The following CNOT1 variants were observed in gnomAD, a reference collection of about 807,000 sequenced individuals.
CNOT1 encodes CCR4-NOT transcription complex subunit 1, also known as CCR4-associated factor 1.
A neutral mutation model predicts 273.8 loss-of-function variants in CNOT1; 15 were observed. The observed-to-expected ratio is 0.05, with a 90% CI of 0.04 to 0.08. CNOT1 has a LOEUF of 0.08. Ranked by LOEUF, CNOT1 falls within the 10% of genes least tolerant of loss-of-function variation. The pLI, the probability that CNOT1 is intolerant of heterozygous loss-of-function variation, is 1.00. For missense variants in CNOT1, 1,644 were observed against 2,912.2 expected (o/e 0.56, Z 10.02); for synonymous variants, 1,022 against 1,005.5 (o/e 1.02, Z -0.31).
At chr16:58,542,883 GA>G (rs1255958799) in intron 31 of CNOT1, among the ~76,000 whole-genome samples, 1 of 152,130 alleles carries the variant, frequency 6.6e-6, no homozygotes, top group East Asian at 1.9e-4. Flanking sequence ...TTGAGGCCAG[GA>G]GTTTGAGACC....
At chr16:58,557,140 AT>A in intron 18 of CNOT1, 147 bp from the exon 19 acceptor site, 1 of 1,137,118 alleles carries the variant, frequency 8.8e-7, no homozygotes, top group Non-Finnish European at 1.2e-6. Flanking sequence ...TAATTCCCTT[AT>A]TACATCTATT....
chr16:58,584,972 G>A (rs1468993087), intron 8 of CNOT1, among the ~76,000 whole-genome samples: 2 of 152,178 alleles, frequency 1.3e-5, no homozygotes, highest in Non-Finnish European at 2.9e-5. Context: ...AGAAATTAGA[G>A]GGGTGGGGGT....
In CNOT1 at chr16:58,547,760, T is replaced by C. The variant is rs752606469; in HGVS notation, c.3523-78A>G. 4.8e-5 allele frequency: 67 copies of C among 1,389,808 alleles called. No homozygotes were observed. The highest frequency in any genetic ancestry group is 6.4e-5 in the Non-Finnish European group (66 of 1,023,454). 86.1% of individuals were successfully genotyped at this position (1,389,808 alleles called of 1,614,324 possible). A position where few individuals can be genotyped will look rare whatever the true frequency, so the allele number is the denominator to read the frequency against. ...CTCAACTAAGTATTTGAGAATTCCA[T>C]TATCCTATCCTAAAGACAAGTCATC... On this transcript the variant is annotated intron_variant, in intron 25 of 48. Transcript: ENST00000317147. The surrounding 1 kb of genome is among the most constrained non-coding windows in gnomAD (Gnocchi z 4.0).
At chr16:58,553,938 A>G in intron 21 of CNOT1, 78 bp from the exon 22 acceptor site, 1 of 1,459,138 alleles carries the variant, frequency 6.9e-7, no homozygotes, top group Non-Finnish European at 9.0e-7. Flanking sequence ...TCCAAATGCT[A>G]ATCTAGGTCA....
At chr16:58,556,032 G>A in intron 19 of CNOT1, 124 bp from the exon 20 acceptor site, 2 of 1,468,474 alleles carry the variant, frequency 1.4e-6, no homozygotes, top group African/African-American at 1.4e-5. Flanking sequence ...ACTGGAAAAG[G>A]TATTAAGCGG....
intron 1 of CNOT1, among the ~76,000 whole-genome samples, chr16:58,618,842 C>A (rs2043193713): frequency 6.6e-6 from 1 of 152,134 alleles, no homozygotes; most frequent in Admixed American, 6.5e-5. Context: ...ACAGTGCCTT[C>A]AATAACTTGT....
intron 10 of CNOT1, 61 bp from the exon 11 acceptor site, chr16:58,581,576 CA>C: frequency 6.8e-7 from 1 of 1,460,580 alleles, no homozygotes. Context: ...ATACATTATC[CA>C]AAAGGCCAAA....
intron 1 of CNOT1, among the ~76,000 whole-genome samples, chr16:58,608,102 G>C (rs971589597): frequency 3.3e-5 from 5 of 152,010 alleles, no homozygotes; most frequent in African/African-American, 1.2e-4. Context: ...CTTGAACTCA[G>C]GCCGTGGAGG....
At chr16:58,581,662 T>TTA (rs2041660740) in intron 10 of CNOT1, 147 bp from the exon 11 acceptor site, 1 of 1,318,164 alleles carries the variant, frequency 7.6e-7, no homozygotes, top group African/African-American at 1.5e-5. Context: ...CATTCTTTTT[T>TTA]TTTCTTTTTT....
At position 58,545,346 on chromosome 16, in the gene CNOT1, G is replaced by A. The variant is rs931163845; in HGVS notation, c.4137+15C>T. ...ACAAACTAGAAGCTGGGAGAATGGA[G>A]CAGTGTTTACTTACTGTTGGATTCA... is the stretch of plus-strand genomic sequence containing the variant. On this transcript the variant is annotated intron_variant, in intron 30 of 48. Coordinates refer to ENST00000317147, the MANE Select transcript of CNOT1 (RefSeq NM_016284.5). 8.7e-6 allele frequency: 14 copies of A among 1,610,590 alleles called. No homozygotes were observed. Among genetic ancestry groups the A allele is most frequent in the Middle Eastern group, 1.7e-4 (1 of 6,042 alleles).
intron 16 of CNOT1, among the ~76,000 whole-genome samples, chr16:58,569,999 A>G (rs987935140): frequency 2.0e-5 from 3 of 152,222 alleles, no homozygotes; most frequent in African/African-American, 7.2e-5. Context: ...GCAAGATAGA[A>G]GCAACTCATC....
intron 13 of CNOT1, among the ~76,000 whole-genome samples, chr16:58,577,544 C>T (rs900709829): frequency 6.6e-6 from 1 of 152,136 alleles, no homozygotes; most frequent in Non-Finnish European, 1.5e-5. Context: ...ATATAAACTA[C>T]TCCAAGTATG....
At chr16:58,629,037 G>A (rs1387049904) in intron 1 of CNOT1, among the ~76,000 whole-genome samples, 1 of 152,248 alleles carries the variant, frequency 6.6e-6, no homozygotes. Context: ...ACACCGGACC[G>A]AGTAGGTGGG....
intron 8 of CNOT1, 73 bp from the exon 9 acceptor site, chr16:58,583,255 T>C: frequency 6.3e-7 from 1 of 1,581,440 alleles, no homozygotes; most frequent in Non-Finnish European, 8.6e-7. Flanking sequence ...TGGCATTAAA[T>C]GAACCTTGTT....
Position 58,621,000 on chromosome 16 carries a change from A to T in CNOT1, c.-175+8728T>A, listed in dbSNP as rs1177744733. Among the ~76,000 whole-genome samples, 11 of 145,186 alleles carry T rather than the reference A, an allele frequency of 7.6e-5. No homozygotes were observed. The Admixed American group carries it at 7.8e-4, about 10-fold the overall frequency. On this transcript the variant is annotated intron_variant, in intron 1 of 48. Coordinates refer to ENST00000317147, the MANE Select transcript of CNOT1 (RefSeq NM_016284.5). ...ATTTCAAAAAAGACAAGAGCCTGAA[A>T]CTAGACAAAAAGATAACTTTTTTTT...
intron 46 of CNOT1, 86 bp downstream of exon 46, chr16:58,525,093 G>T: frequency 7.9e-7 from 1 of 1,270,192 alleles, no homozygotes; most frequent in Non-Finnish European, 1.1e-6. Flanking sequence ...CACTATTGTG[G>T]CTTGAAGCAT....
intron 16 of CNOT1, among the ~76,000 whole-genome samples, chr16:58,560,815 A>T: frequency 6.6e-6 from 1 of 152,204 alleles, no homozygotes; most frequent in Non-Finnish European, 1.5e-5. Context: ...GCCTGAGGTC[A>T]GGAGTTCGAG....
intron 15 of CNOT1, 95 bp from the exon 16 acceptor site, chr16:58,574,855 A>G: frequency 6.4e-7 from 1 of 1,562,036 alleles, no homozygotes; most frequent in South Asian, 1.2e-5. Context: ...AAAATCCAAA[A>G]TAAGTAACAT....
intron 35 of CNOT1, among the ~76,000 whole-genome samples, chr16:58,539,344 T>G (rs1024360390): frequency 1.3e-5 from 2 of 151,908 alleles, no homozygotes; most frequent in Non-Finnish European, 2.9e-5. Flanking sequence ...AAATTAAAAA[T>G]TAGCTTGGCT....
Sources: allele counts gnomAD v4.1 joint callset (sites outside exome capture counted in the v4.1 genomes callset), GRCh38; gene constraint gnomAD v4.1.1; non-coding constraint Gnocchi (gnomAD v3.1); transcripts MANE v1.5; gene names NCBI Gene and HGNC (gene_info 2026-07-23, HGNC 2026-07-21).